The following MYL4 variants were observed in gnomAD, a reference collection of about 807,000 sequenced individuals.
MYL4 encodes the protein atrial myosin light chain 1.
Under a neutral mutation model 21.6 loss-of-function variants are expected in MYL4, and 16 were observed. That is an observed-to-expected ratio of 0.74 (90% confidence interval 0.50 to 1.12). The LOEUF (loss-of-function observed/expected upper bound fraction) is 1.12. Ranked by LOEUF, MYL4 falls within the 50% of genes most tolerant of loss-of-function variation. The probability of loss-of-function intolerance (pLI) is 0.00; values close to 1 mark genes in which losing one functional copy is unlikely to be tolerated. For synonymous variants in MYL4, 82 were observed against 95.7 expected (o/e 0.86, Z 0.83); for missense variants, 249 against 252.9 (o/e 0.98, Z 0.11).
At chr17:47,209,793 C>G in intron 1 of MYL4, 1 of 612,836 alleles carries the variant, frequency 1.6e-6, no homozygotes, top group Non-Finnish European at 2.9e-6. Context: ...CCCTGTCCTG[C>G]TACCCTAGAT....
At chr17:47,201,478 C>G (rs1304313749) in intron 1 of MYL4, among the ~76,000 whole-genome samples, 1 of 149,274 alleles carries the variant, frequency 6.7e-6, no homozygotes, top group East Asian at 1.9e-4. Context: ...TTTTTTGAGG[C>G]GGAGTTTTGC....
chr17:47,227,211 G>C (rs950534512), downstream of MYL4, among the ~76,000 whole-genome samples: 2 of 152,174 alleles, frequency 1.3e-5, no homozygotes, highest in African/African-American at 2.4e-5. Context: ...CTTATTTGCT[G>C]CCTCCATGGT....
chr17:47,201,146 G>A (rs1297421728), intron 1 of MYL4, among the ~76,000 whole-genome samples: 2 of 152,192 alleles, frequency 1.3e-5, no homozygotes, highest in East Asian at 3.9e-4. Flanking sequence ...TCCAGCCTGG[G>A]TGACAGAGTG....
intron 1 of MYL4, 142 bp downstream of exon 1, chr17:47,209,699 C>T: frequency 1.6e-6 from 2 of 1,262,142 alleles, no homozygotes; most frequent in Non-Finnish European, 2.3e-6. Flanking sequence ...TCCCATGGGG[C>T]AGTGGAGTGG....
At chr17:47,208,652 C>T (rs1164786233), upstream of MYL4, among the ~76,000 whole-genome samples, 1 of 152,088 alleles carries the variant, frequency 6.6e-6, no homozygotes, top group Non-Finnish European at 1.5e-5. Context: ...CCCTCAGTCT[C>T]CTCGACTTTC....
intron 2 of MYL4, among the ~76,000 whole-genome samples, chr17:47,217,983 G>T (rs2064827354): frequency 6.6e-6 from 1 of 150,932 alleles, no homozygotes; most frequent in South Asian, 2.1e-4. Flanking sequence ...GGAGGTTGCA[G>T]TGAGCCGAAA....
intron 5 of MYL4, 58 bp from the exon 6 acceptor site, chr17:47,222,956 G>A (rs550841664): frequency 8.7e-6 from 14 of 1,608,700 alleles, no homozygotes; most frequent in East Asian, 2.2e-5. Flanking sequence ...AGGGACAAGT[G>A]GTTTATGGGC....
the MYL4 span, among the ~76,000 whole-genome samples, chr17:47,192,295 G>A: frequency 5.9e-5 from 9 of 151,410 alleles, no homozygotes; most frequent in Non-Finnish European, 1.0e-4. Context: ...TGGAGGTTGC[G>A]GTGAGCTGAG....
intron 5 of MYL4, 25 bp downstream of exon 5, chr17:47,222,482 A>G (rs749760171): frequency 6.2e-7 from 1 of 1,610,384 alleles, no homozygotes; most frequent in Non-Finnish European, 8.5e-7. Context: ...CTTGCATCCC[A>G]GGGCAGCCAG....
At chr17:47,204,911 C>T (rs1644360617), upstream of MYL4, among the ~76,000 whole-genome samples, 1 of 152,134 alleles carries the variant, frequency 6.6e-6, no homozygotes, top group Non-Finnish European at 1.5e-5. Flanking sequence ...GCTTATGAGA[C>T]ATTGGTCAGA....
chr17:47,194,650 C>T, the MYL4 span, among the ~76,000 whole-genome samples: 14 of 152,242 alleles, frequency 9.2e-5, no homozygotes, highest in Admixed American at 9.2e-4. Flanking sequence ...ACTCCTCTCC[C>T]TGTCTTCCCC....
At chr17:47,199,589 A>G (rs73314397), upstream of MYL4, among the ~76,000 whole-genome samples, 2,451 of 152,032 alleles carry the variant, frequency 0.016, 55 homozygotes, top group African/African-American at 0.056. Context: ...TTTTAATATA[A>G]TGATAAATAG....
At chr17:47,211,047 T>A (rs2064770539) in intron 1 of MYL4, among the ~76,000 whole-genome samples, 5 of 152,102 alleles carry the variant, frequency 3.3e-5, no homozygotes, top group Admixed American at 3.3e-4. Flanking sequence ...GGCCTGTCAC[T>A]TCTTTCATTC....
intron 3 of MYL4, among the ~76,000 whole-genome samples, chr17:47,220,876 C>T (rs948544790): frequency 1.3e-5 from 2 of 152,126 alleles, no homozygotes; most frequent in African/African-American, 4.8e-5. Context: ...CAAGGGTGGT[C>T]TGTCTCTGGA....
chr17:47,190,671 A>G, the MYL4 span, among the ~76,000 whole-genome samples: 1 of 152,164 alleles, frequency 6.6e-6, no homozygotes, highest in African/African-American at 2.4e-5. Context: ...TGCTAAGATG[A>G]TTTTTGGCTG....
downstream of MYL4, among the ~76,000 whole-genome samples, chr17:47,225,736 C>G (rs1016682163): frequency 2.0e-5 from 3 of 152,126 alleles, no homozygotes; most frequent in African/African-American, 7.2e-5. Context: ...TTGTCCCTAC[C>G]TCGCAGACTG....
chr17:47,207,299 AC>A (rs2064733761), upstream of MYL4, among the ~76,000 whole-genome samples: 1 of 152,168 alleles, frequency 6.6e-6, no homozygotes, highest in Non-Finnish European at 1.5e-5. Flanking sequence ...GCAGTGTGCT[AC>A]AGAGAGCACT....
chr17:47,215,375 G>A (rs1156667465), intron 2 of MYL4, among the ~76,000 whole-genome samples: 5 of 152,202 alleles, frequency 3.3e-5, no homozygotes, highest in African/African-American at 1.2e-4. Flanking sequence ...ATGGGGAGGG[G>A]ACAACTCATT....
chr17:47,215,927 A>G (rs1428726151), intron 2 of MYL4, among the ~76,000 whole-genome samples: 5 of 152,028 alleles, frequency 3.3e-5, no homozygotes, highest in African/African-American at 1.2e-4. Flanking sequence ...AGTAGCTTGT[A>G]CTACAGGCAT....
Sources: allele counts gnomAD v4.1 joint callset (sites outside exome capture counted in the v4.1 genomes callset), GRCh38; gene constraint gnomAD v4.1.1; transcripts MANE v1.5; gene names NCBI Gene and HGNC (gene_info 2026-07-23, HGNC 2026-07-21).